The following PDE1C variants were observed in gnomAD, a reference collection of about 807,000 sequenced individuals.
PDE1C encodes the protein dual specificity calcium/calmodulin-dependent 3',5'-cyclic nucleotide phosphodiesterase 1C.
PDE1C carries 62 observed loss-of-function variants against 93.1 expected under a neutral mutation model. The ratio of observed to expected loss-of-function variants is 0.67; its 90% CI spans 0.54 to 0.82. The LOEUF (loss-of-function observed/expected upper bound fraction) is 0.82, where lower values mean the gene tolerates loss of function less well. Ranked by LOEUF, PDE1C falls within the 40% of genes least tolerant of loss-of-function variation. PDE1C has a pLI of 0.00. For missense variants in PDE1C, 742 were observed against 884.6 expected, an observed-to-expected ratio of 0.84 and a Z score of 2.04; for synonymous variants, 325 against 310.1, an observed-to-expected ratio of 1.05 and a Z score of -0.50.
chr7:31,870,743 C>A (rs1246381805), intron 6 of PDE1C, among the ~76,000 whole-genome samples: 1 of 151,920 alleles, frequency 6.6e-6, no homozygotes, highest in Non-Finnish European at 1.5e-5. Context: ...CTCCTTCTCC[C>A]TAACTAATTT....
At chr7:32,410,367 G>A (rs963699130) in intron 1 of PDE1C, among the ~76,000 whole-genome samples, 5 of 151,544 alleles carry the variant, frequency 3.3e-5, no homozygotes, top group Non-Finnish European at 7.4e-5. Flanking sequence ...GGGTGAGGGC[G>A]GGTAGGAAGA....
chr7:31,980,822 C>A (rs951942020), intron 2 of PDE1C, among the ~76,000 whole-genome samples: 2 of 152,160 alleles, frequency 1.3e-5, no homozygotes, highest in Non-Finnish European at 2.9e-5. Context: ...GGGCTTGTGG[C>A]CCCTTCTTCC....
Position 32,152,702 on chromosome 7 carries a change from G to A in PDE1C, c.308+17083C>T, listed in dbSNP as rs569732176. Among the ~76,000 whole-genome samples the A allele has an allele frequency of 2.0e-5, 3 of 152,280 alleles. No individual in the cohort carries two copies. The South Asian group carries it at 6.2e-4, about 32-fold the overall frequency. ...TTATATCATAGCATTCCTTTAAAGA[G>A]TGAAAATCTGAGAAGAATCTAAATG... On this transcript the variant is annotated intron_variant, in intron 3 of 18. Transcript: ENST00000396193.
chr7:32,244,823 T>C (rs1325689139), intron 1 of PDE1C, among the ~76,000 whole-genome samples: 1 of 152,222 alleles, frequency 6.6e-6, no homozygotes, highest in African/African-American at 2.4e-5. Flanking sequence ...GCCCTACATG[T>C]TGTCCTCAAA....
intron 3 of PDE1C, among the ~76,000 whole-genome samples, chr7:32,088,578 C>T (rs1447372017): frequency 6.6e-6 from 1 of 152,238 alleles, no homozygotes; most frequent in Admixed American, 6.5e-5. Flanking sequence ...ATCAATATCC[C>T]ATCAGACGAC....
At chr7:31,922,992 C>T (rs1022808981) in intron 2 of PDE1C, among the ~76,000 whole-genome samples, 5 of 152,060 alleles carry the variant, frequency 3.3e-5, no homozygotes, top group African/African-American at 1.2e-4. Flanking sequence ...AGCTTGGGTG[C>T]ATTTTCATCA....
intron 2 of PDE1C, among the ~76,000 whole-genome samples, chr7:31,886,257 G>C (rs1307483996): frequency 6.6e-6 from 1 of 152,158 alleles, no homozygotes; most frequent in Non-Finnish European, 1.5e-5. Context: ...TGTCACTCCT[G>C]TCCTCTGCCA....
intron 1 of PDE1C, among the ~76,000 whole-genome samples, chr7:32,283,633 A>G (rs1460158439): frequency 5.3e-5 from 8 of 152,228 alleles, no homozygotes; most frequent in Non-Finnish European, 1.2e-4. Context: ...GTGGCTTGCC[A>G]TCACCCTGAG....
chr7:31,770,448 T>G (rs1019379406), intron 17 of PDE1C, among the ~76,000 whole-genome samples: 2 of 152,218 alleles, frequency 1.3e-5, no homozygotes, highest in African/African-American at 2.4e-5. Flanking sequence ...GTTGTTATGT[T>G]TAAGAAACCA....
At chr7:31,961,795 C>T (rs545838863) in intron 2 of PDE1C, among the ~76,000 whole-genome samples, 2 of 152,160 alleles carry the variant, frequency 1.3e-5, no homozygotes, top group Admixed American at 6.5e-5. Context: ...TTCACCCAAA[C>T]TAAGGCAAAA....
At chr7:32,002,862 A>T (rs536118518) in intron 2 of PDE1C, among the ~76,000 whole-genome samples, 2 of 152,350 alleles carry the variant, frequency 1.3e-5, no homozygotes, top group Admixed American at 1.3e-4. Flanking sequence ...TCAACATGGA[A>T]TGAAAAAGTT....
At chr7:31,651,960 AACGTT>A in the PDE1C span, 1 of 1,600,780 alleles carries the variant, frequency 6.2e-7, no homozygotes, top group East Asian at 2.3e-5. Context: ...AGCAACTGCA[AACGTT>A]ACGTGAGGCC....
chr7:31,839,417 G>GAC lies in PDE1C; in HGVS notation c.981-1448_981-1447dup, dbSNP rs145936818. On this transcript the variant is annotated intron_variant, in intron 9 of 17. Coordinates refer to ENST00000396191, the MANE Select transcript of PDE1C (RefSeq NM_001191057.4). The stretch of plus-strand genomic sequence containing the variant: ...ACACGTGTTTCCATGTATATACATA[G>GAC]ACACACACACACACACATATATAAT... Among the ~76,000 whole-genome samples, 1,010 of 139,322 alleles carry GAC rather than the reference G, an allele frequency of 7.2e-3. 13 individuals carry two copies. The highest frequency in any genetic ancestry group is 0.038 in the East Asian group (178 of 4,698). The allele number at this position is 139,322 out of a possible 152,430, so 91.4% of individuals were successfully genotyped here.
chr7:31,642,165 T>TC, the PDE1C span: 1 of 1,553,096 alleles, frequency 6.4e-7, no homozygotes, highest in Non-Finnish European at 8.7e-7. Context: ...AAGACCTCTT[T>TC]CATTCTGCAG....
chr7:31,812,878 T>C (rs912825213), intron 15 of PDE1C, among the ~76,000 whole-genome samples: 3 of 152,128 alleles, frequency 2.0e-5, no homozygotes, highest in East Asian at 1.9e-4. Context: ...TAACAGAGCA[T>C]TGAGACTCAC....
In PDE1C at chr7:31,946,680, A is replaced by G. The variant is rs201672090; in HGVS notation, c.129-65820T>C. On this transcript the variant is annotated intron_variant, in intron 2 of 17. Transcript: ENST00000396191. ...CTTTGTTGGATTACCAATAAATAGC[A>G]TGGGCTCCCAGAGCTCGGAGCCTTC... Among the ~76,000 whole-genome samples, 51 of 152,334 alleles carry G rather than the reference A, an allele frequency of 3.3e-4. No homozygotes were observed. The East Asian group carries it at 8.7e-3, about 26-fold the overall frequency.
chr7:31,762,923 T>C (rs939029958), intron 17 of PDE1C, among the ~76,000 whole-genome samples: 9 of 152,158 alleles, frequency 5.9e-5, no homozygotes, highest in African/African-American at 1.9e-4. Context: ...TTTGCTACCT[T>C]CCATGCAACC....
At chr7:32,397,794 T>A (rs1053074523) in intron 1 of PDE1C, among the ~76,000 whole-genome samples, 1 of 151,746 alleles carries the variant, frequency 6.6e-6, no homozygotes, top group Non-Finnish European at 1.5e-5. Context: ...GGTGGGCAGA[T>A]CATGAGGTCA....
the PDE1C span, among the ~76,000 whole-genome samples, chr7:31,637,041 C>A: frequency 6.6e-6 from 1 of 151,906 alleles, no homozygotes; most frequent in Non-Finnish European, 1.5e-5. Context: ...CAGCTTCATC[C>A]ATGTCCCTAC....
Sources: gnomAD v4.1 joint callset for allele counts (sites outside exome capture counted in the v4.1 genomes callset) on GRCh38, gnomAD v4.1.1 for gene constraint, MANE v1.5 for transcripts, NCBI Gene and HGNC (gene_info 2026-07-23, HGNC 2026-07-21) for gene names.